Variants in KCNIP1 observed in about 807,000 individuals in gnomAD.
KCNIP1 encodes potassium voltage-gated channel interacting protein 1, also known as A-type potassium channel modulatory protein KCNIP1.
Under a neutral mutation model 33.0 loss-of-function variants are expected in KCNIP1, and 18 were observed. The ratio of observed to expected loss-of-function variants is 0.55; its 90% CI spans 0.38 to 0.81. The LOEUF is 0.81. Among genes scored for constraint, KCNIP1 ranks in the 30% least tolerant of loss-of-function variants. The pLI is 0.00. For missense variants in KCNIP1, 238 were observed against 271.6 expected, an observed-to-expected ratio of 0.88 and a Z score of 0.87; for synonymous variants, 93 against 98.3, an observed-to-expected ratio of 0.95 and a Z score of 0.32.
chr5:170,390,517 A>AAAAAAAAAAAAAAAAAAATATATATAT, intron 1 of KCNIP1, among the ~76,000 whole-genome samples: 7 of 74,536 alleles, frequency 9.4e-5, no homozygotes, highest in African/African-American at 1.3e-4. Context: ...AAAAAAAACA[A>AAAAAAAAAAAAAAAAAAATATATATAT]ATATATATAT....
intron 1 of KCNIP1, among the ~76,000 whole-genome samples, chr5:170,580,900 G>A (rs1033032056): frequency 1.3e-5 from 2 of 152,198 alleles, no homozygotes; most frequent in Admixed American, 6.5e-5. Flanking sequence ...GCCTTGGAAA[G>A]TAGTAAGCTC....
intron 1 of KCNIP1, among the ~76,000 whole-genome samples, chr5:170,655,518 A>G (rs1761225276): frequency 6.6e-6 from 1 of 152,202 alleles, no homozygotes; most frequent in Non-Finnish European, 1.5e-5. Context: ...CCGTTGGCCA[A>G]TAGCAATTTC....
chr5:170,645,897 T>TAA (rs146693752), intron 1 of KCNIP1, among the ~76,000 whole-genome samples: 22 of 150,740 alleles, frequency 1.5e-4, no homozygotes, highest in African/African-American at 4.1e-4. Context: ...CTTGAGAAAT[T>TAA]AAAAAAAAAT....
intron 1 of KCNIP1, among the ~76,000 whole-genome samples, chr5:170,403,493 T>C (rs996121882): frequency 4.6e-5 from 7 of 152,234 alleles, no homozygotes; most frequent in African/African-American, 1.4e-4. Context: ...GTAGGCAGCA[T>C]GACCACAGGT....
At chr5:170,487,521 C>CTT (rs35638864) in intron 1 of KCNIP1, among the ~76,000 whole-genome samples, 8 of 138,532 alleles carry the variant, frequency 5.8e-5, no homozygotes, top group African/African-American at 8.0e-5. Flanking sequence ...AGTCACGGAA[C>CTT]TTTTTTTTTT....
At chr5:170,712,077 G>T (rs1417246439) in intron 1 of KCNIP1, among the ~76,000 whole-genome samples, 2 of 152,200 alleles carry the variant, frequency 1.3e-5, no homozygotes, top group Non-Finnish European at 2.9e-5. Flanking sequence ...AGGCCAGCAG[G>T]AGAGTATCTA....
intron 1 of KCNIP1, among the ~76,000 whole-genome samples, chr5:170,488,081 T>A (rs1757135286): frequency 6.6e-6 from 1 of 152,222 alleles, no homozygotes; most frequent in African/African-American, 2.4e-5. Context: ...CAATATAAGC[T>A]GATGGTGCCT....
chr5:170,635,069 A>C (rs2113682087), intron 1 of KCNIP1, among the ~76,000 whole-genome samples: 2 of 152,262 alleles, frequency 1.3e-5, no homozygotes, highest in South Asian at 4.1e-4. Flanking sequence ...TCGCTTTGTC[A>C]CCCAGGCTGG....
intron 1 of KCNIP1, among the ~76,000 whole-genome samples, chr5:170,528,058 A>G (rs973111641): frequency 5.9e-5 from 9 of 152,120 alleles, no homozygotes; most frequent in African/African-American, 2.2e-4. Flanking sequence ...GGAGAGCCTT[A>G]GGAACCCTCC....
chr5:170,572,050 A>G (rs1757430914), intron 1 of KCNIP1, among the ~76,000 whole-genome samples: 1 of 152,118 alleles, frequency 6.6e-6, no homozygotes, highest in African/African-American at 2.4e-5. Context: ...GGAACAATGA[A>G]AGGAAGTGAT....
chr5:170,640,808 A>G (rs937616326), intron 1 of KCNIP1, among the ~76,000 whole-genome samples: 1 of 152,146 alleles, frequency 6.6e-6, no homozygotes, highest in African/African-American at 2.4e-5. Context: ...TCTTGGAAAC[A>G]TCTTGCAAGG....
At chr5:170,373,241 C>T (rs1050370367) in intron 1 of KCNIP1, among the ~76,000 whole-genome samples, 1 of 152,166 alleles carries the variant, frequency 6.6e-6, no homozygotes, top group African/African-American at 2.4e-5. Flanking sequence ...ATCTGGGGGA[C>T]AGGATCTGGG....
intron 1 of KCNIP1, chr5:170,483,228 G>C: frequency 2.7e-6 from 1 of 367,368 alleles, no homozygotes; most frequent in Non-Finnish European, 5.3e-6. Context: ...CCAGGGTGGT[G>C]GGAACACCCT....
intron 1 of KCNIP1, among the ~76,000 whole-genome samples, chr5:170,568,866 G>C: frequency 6.6e-6 from 1 of 151,926 alleles, no homozygotes. Context: ...CCTGTATTGA[G>C]CTGAAATTCT....
intron 1 of KCNIP1, among the ~76,000 whole-genome samples, chr5:170,385,803 AC>A (rs1279896661): frequency 6.6e-6 from 1 of 152,014 alleles, no homozygotes; most frequent in Non-Finnish European, 1.5e-5. Context: ...TGTGGCAATG[AC>A]TTTGCAGAAA....
At chr5:170,684,270 C>G (rs539465662) in intron 1 of KCNIP1, among the ~76,000 whole-genome samples, 3 of 152,150 alleles carry the variant, frequency 2.0e-5, no homozygotes, top group African/African-American at 4.8e-5. Flanking sequence ...TTACTACAAA[C>G]TGGGTGGCTT....
At chr5:170,498,001 C>T (rs1043135755) in intron 1 of KCNIP1, among the ~76,000 whole-genome samples, 4 of 152,260 alleles carry the variant, frequency 2.6e-5, no homozygotes, top group African/African-American at 4.8e-5. Context: ...CTACATCAGT[C>T]CTGCTCCCTC....
upstream of KCNIP1, chr5:170,503,947 CAG>C: frequency 4.8e-6 from 2 of 413,476 alleles, no homozygotes; most frequent in Admixed American, 6.4e-5. Context: ...CCCCACCGTG[CAG>C]CCCTCGCCCC....
intron 1 of KCNIP1, among the ~76,000 whole-genome samples, chr5:170,635,380 C>A (rs556324276): frequency 1.3e-5 from 2 of 152,318 alleles, no homozygotes; most frequent in African/African-American, 4.8e-5. Context: ...AGTTCTGAAT[C>A]TCTTTGTTAT....
Sources: allele counts gnomAD v4.1 joint callset (sites outside exome capture counted in the v4.1 genomes callset), GRCh38; gene constraint gnomAD v4.1.1; transcripts MANE v1.5; gene names NCBI Gene and HGNC (gene_info 2026-07-23, HGNC 2026-07-21).